The following RYR2 variants were observed in gnomAD, a reference collection of about 807,000 sequenced individuals.
RYR2 encodes cardiac muscle ryanodine receptor-calcium release channel.
Under a neutral mutation model 601.1 loss-of-function variants are expected in RYR2, and 227 were observed. The ratio of observed to expected loss-of-function variants is 0.38; its 90% confidence interval spans 0.34 to 0.42. The LOEUF (loss-of-function observed/expected upper bound fraction) is 0.42, where lower values mean the gene tolerates loss of function less well. Ranked by LOEUF, RYR2 falls within the 10% of genes least tolerant of loss-of-function variation. The probability of loss-of-function intolerance (pLI) is 1.00; values close to 1 mark genes in which losing one functional copy is unlikely to be tolerated. For missense variants in RYR2, 4,646 were observed against 6,156.5 expected, an observed-to-expected ratio of 0.75 and a Z score of 8.21; for synonymous variants, 2,223 against 2,175.1, an observed-to-expected ratio of 1.02 and a Z score of -0.61.
At chr1:237,314,029 A>C (rs1458714509) in intron 2 of RYR2, among the ~76,000 whole-genome samples, 3 of 128,034 alleles carry the variant, frequency 2.3e-5, no homozygotes, top group African/African-American at 1.2e-4. Flanking sequence ...CTCAGCAAAA[A>C]AAAAAAAAAA....
intron 17 of RYR2, among the ~76,000 whole-genome samples, chr1:237,482,859 A>G (rs1662270932): frequency 1.3e-5 from 2 of 152,128 alleles, no homozygotes; most frequent in African/African-American, 2.4e-5. Context: ...CCTTGCCAGC[A>G]TTTGTTATTG....
At chr1:237,288,839 C>T (rs928704615) in intron 2 of RYR2, among the ~76,000 whole-genome samples, 1 of 152,084 alleles carries the variant, frequency 6.6e-6, no homozygotes. Flanking sequence ...GGCCTCTCAC[C>T]CCATTCAAAT....
chr1:237,309,653 G>T (rs566617334), intron 2 of RYR2, among the ~76,000 whole-genome samples: 1 of 152,338 alleles, frequency 6.6e-6, no homozygotes, highest in Admixed American at 6.5e-5. Context: ...TTGGGCGGTC[G>T]ATGGGACCAG....
intron 19 of RYR2, among the ~76,000 whole-genome samples, chr1:237,493,555 C>G (rs1663657368): frequency 6.6e-6 from 1 of 152,106 alleles, no homozygotes; most frequent in Non-Finnish European, 1.5e-5. Context: ...CGGGTTCAGG[C>G]CATTGTCCTG....
chr1:237,651,770 G>A (rs574185010), intron 51 of RYR2, among the ~76,000 whole-genome samples: 1 of 152,152 alleles, frequency 6.6e-6, no homozygotes, highest in East Asian at 1.9e-4. Context: ...GGGCGCGGTG[G>A]CTCACGCCTG....
chr1:237,265,025 AT>A (rs1323344157), intron 1 of RYR2, among the ~76,000 whole-genome samples: 2 of 152,074 alleles, frequency 1.3e-5, no homozygotes, highest in African/African-American at 4.8e-5. Context: ...GACATTAATA[AT>A]TACACAAATG....
At chr1:237,320,264 G>A (rs144331721) in intron 2 of RYR2, among the ~76,000 whole-genome samples, 1,809 of 152,070 alleles carry the variant, frequency 0.012, 36 homozygotes, top group African/African-American at 0.041. Context: ...AAAATGCAGC[G>A]TATAAATATT....
chr1:237,750,216 T>G (rs567860512), intron 80 of RYR2, among the ~76,000 whole-genome samples: 61 of 152,170 alleles, frequency 4.0e-4, no homozygotes, highest in African/African-American at 1.4e-3. Context: ...CTTTTCCTAG[T>G]TTAGTATTTA....
At chr1:237,543,356 T>C (rs1362472100) in intron 25 of RYR2, among the ~76,000 whole-genome samples, 1 of 152,222 alleles carries the variant, frequency 6.6e-6, no homozygotes, top group Non-Finnish European at 1.5e-5. Context: ...AGAAGAAATA[T>C]AACCCTTGTT....
intron 44 of RYR2, among the ~76,000 whole-genome samples, chr1:237,637,079 G>A (rs1271494209): frequency 1.3e-5 from 2 of 152,126 alleles, no homozygotes; most frequent in African/African-American, 2.4e-5. Flanking sequence ...AGGAGTGACG[G>A]CCATGTTCTG....
At chr1:237,200,854 A>G (rs10925340) in intron 1 of RYR2, among the ~76,000 whole-genome samples, 1,544 of 152,282 alleles carry the variant, frequency 0.01, 31 homozygotes, top group African/African-American at 0.036. Context: ...TGCTAAAGTT[A>G]TGTGTTCTGT....
chr1:237,056,259 C>T (rs1173712992), intron 1 of RYR2, among the ~76,000 whole-genome samples: 1 of 145,822 alleles, frequency 6.9e-6, no homozygotes, highest in East Asian at 2.1e-4. Context: ...TGGAACACTG[C>T]ATGTGTGAGG....
At chr1:237,624,363 A>C (rs1275482213) in intron 39 of RYR2, among the ~76,000 whole-genome samples, 1 of 151,832 alleles carries the variant, frequency 6.6e-6, no homozygotes, top group African/African-American at 2.4e-5. Flanking sequence ...AACAAACAAA[A>C]CCCCCCAAAA....
chr1:237,119,436 G>A (rs1670521877), intron 1 of RYR2, among the ~76,000 whole-genome samples: 1 of 152,222 alleles, frequency 6.6e-6, no homozygotes, highest in Admixed American at 6.5e-5. Flanking sequence ...GTGTGTGCGT[G>A]TGTGTGCGTA....
intron 17 of RYR2, among the ~76,000 whole-genome samples, chr1:237,486,801 G>A (rs1232582366): frequency 6.6e-6 from 1 of 152,002 alleles, no homozygotes; most frequent in Non-Finnish European, 1.5e-5. Flanking sequence ...CAATAACCAA[G>A]ACTAACCTTT....
At chr1:237,742,916 A>G (rs1351944481) in intron 80 of RYR2, among the ~76,000 whole-genome samples, 3 of 152,336 alleles carry the variant, frequency 2.0e-5, no homozygotes, top group East Asian at 3.9e-4. Context: ...TAAATGTCCT[A>G]CGTAATTTGA....
chr1:237,207,314 C>T (rs1388097065), intron 1 of RYR2, among the ~76,000 whole-genome samples: 1 of 152,158 alleles, frequency 6.6e-6, no homozygotes, highest in Non-Finnish European at 1.5e-5. Flanking sequence ...GCCTATAATC[C>T]CAGCACTTTG....
At chr1:237,529,168 T>A (rs964041438) in intron 24 of RYR2, among the ~76,000 whole-genome samples, 5 of 152,214 alleles carry the variant, frequency 3.3e-5, no homozygotes, top group South Asian at 4.1e-4. Context: ...CTGGATAGTG[T>A]CTGAATAAGT....
chr1:237,259,470 CACTCCAGCCTGGGCAACAGAGTGAG>C (rs553851771), intron 1 of RYR2, among the ~76,000 whole-genome samples: 66 of 151,022 alleles, frequency 4.4e-4, no homozygotes, highest in African/African-American at 1.6e-3. Flanking sequence ...CACACCACTG[CACTCCAGCCTGGGCAACAGAGTGAG>C]ACTCCAGCCT....
Sources: gnomAD v4.1 joint callset for allele counts (sites outside exome capture counted in the v4.1 genomes callset) on GRCh38, gnomAD v4.1.1 for gene constraint, MANE v1.5 for transcripts, NCBI Gene and HGNC (gene_info 2026-07-23, HGNC 2026-07-21) for gene names.